IRX2: variants seen among roughly 807,000 people sequenced by gnomAD.
IRX2 encodes iroquois-class homeodomain protein IRX-2.
Under a neutral mutation model 42.9 loss-of-function variants are expected in IRX2, and 26 were observed. The ratio of observed to expected loss-of-function variants is 0.61; its 90% CI spans 0.44 to 0.84. The LOEUF (loss-of-function observed/expected upper bound fraction) is 0.84, where lower values mean the gene tolerates loss of function less well. Among genes scored for constraint, IRX2 ranks in the 40% least tolerant of loss-of-function variants. The pLI, the probability that IRX2 is intolerant of heterozygous loss-of-function variation, is 0.00. For synonymous variants in IRX2, 424 were observed against 353.9 expected (o/e 1.20, Z -2.22); for missense variants, 782 against 713.9 (o/e 1.10, Z -1.09).
At position 2,748,629 on chromosome 5, in the gene IRX2, G is replaced by C. The variant is rs778882373; in HGVS notation, c.1079C>G (p.Pro360Arg). 6.8e-7 allele frequency: 1 copy of C among 1,469,656 alleles called. No individual in the cohort carries two copies. Among genetic ancestry groups the C allele is most frequent in the Non-Finnish European group, 9.0e-7 (1 of 1,114,806 alleles). The allele number at this position is 1,469,656 out of a possible 1,614,324, so 91.0% of individuals were successfully genotyped here. The change falls in exon 3 of 4, where the codon CCG becomes CGG. Residue 360 changes from proline to arginine, a missense_variant. By Grantham distance (103) the Pro-to-Arg change is moderately radical. This residue lies in a region of IRX2 where 520 missense variants were observed against 437.8 expected (regional missense o/e 1.19). Coordinates refer to ENST00000302057, the MANE Select transcript of IRX2 (RefSeq NM_033267.5). Reference sequence around the variant, plus strand: ...TCCTGGCGGTGCCCCGGTTGAGGCCGGCGCGGCGGCCGCGGGCAGCCCCGG... The same window carrying C: ...TCCTGGCGGTGCCCCGGTTGAGGCCCGCGCGGCGGCCGCGGGCAGCCCCGG... ...GPPGLPAAAAPASTGAPPGGS... is the reference protein window; with the variant it reads ...GPPGLPAAAARASTGAPPGGS...
chr5:2,749,834 G>A, intron 1 of IRX2, 47 bp from the exon 2 acceptor site: 1 of 1,531,736 alleles, frequency 6.5e-7, no homozygotes, highest in Non-Finnish European at 8.8e-7. Flanking sequence ...AGACCCCGCG[G>A]GCAACCAGCC....
downstream of IRX2, among the ~76,000 whole-genome samples, chr5:2,744,825 A>G (rs1378839975): frequency 6.6e-6 from 1 of 152,238 alleles, no homozygotes; most frequent in East Asian, 1.9e-4. Flanking sequence ...GAAATAACAG[A>G]AAACAGAAAC....
chr5:2,748,350 T>C lies in IRX2; in HGVS notation c.1358A>G (p.Lys453Arg). 6.9e-7 allele frequency: 1 copy of C among 1,442,684 alleles called. No homozygotes were observed. The allele number at this position is 1,442,684 out of a possible 1,614,324, so 89.4% of individuals were successfully genotyped here. ...YRSPGGGYEP[K>R]KDASEGCTVV... ...GCCGGCCGCGGGCCGCCTACCTTTC[T>C]TGGGCTCGTAGCCGCCGCCCGGGGA... is the stretch of plus-strand genomic sequence containing the variant. Residue 453 changes from lysine to arginine, a missense_variant, in exon 3 of 4, where the codon AAG becomes AGG. Physicochemically the swap from Lys to Arg is conservative, Grantham distance 26 (BLOSUM62 2). Coordinates refer to ENST00000302057, the MANE Select transcript of IRX2 (RefSeq NM_033267.5).
the IRX2 span, chr5:2,736,840 A>G: frequency 6.6e-6 from 1 of 152,328 alleles, no homozygotes; most frequent in South Asian, 2.1e-4. Context: ...TATGTTGATG[A>G]CTTCCATGCA....
chr5:2,746,745 C>CCT lies in IRX2; in HGVS notation c.*818_*819insAG, dbSNP rs769978613. On this transcript the variant is annotated 3_prime_UTR_variant, in exon 4 of 4. Transcript: ENST00000302057. ...TTGGGAAGAGAGAATGGCCTGCTGA[C>CCT]TTTTTTTTTTTTTTTTTTTTCAAAG... is the stretch of plus-strand genomic sequence containing the variant. 1.8e-5 allele frequency: 2 copies of CCT among 110,390 alleles called. No homozygotes were observed. Among genetic ancestry groups the CCT allele is most frequent in the African/African-American group, 7.0e-5 (2 of 28,754 alleles). The allele number at this position is 110,390 out of a possible 1,614,324, so 6.8% of individuals were successfully genotyped here. A position where few individuals can be genotyped will look rare whatever the true frequency, so the allele number is the denominator to read the frequency against.
At position 2,748,447 on chromosome 5, in the gene IRX2, G is replaced by C. The variant is rs780979117; in HGVS notation, c.1261C>G (p.Leu421Val). ...CTGGCCGCCTTTGGCGCGGTGTGCA[G>C]GGCCTCGCCGGGGGCCGCGGCCGCA... The part of the protein sequence containing the change: ...NSAAAAPGEA[L>V]HTAPKAASDA... Residue 421 changes from leucine to valine, a missense_variant, in exon 3 of 4, where the codon CTG becomes GTG. Physicochemically the swap from Leu to Val is conservative, Grantham distance 32. Around this residue, in one of 3 missense-constraint regions of IRX2, gnomAD observed 520 missense variants for 437.8 expected, o/e 1.19. Transcript: ENST00000302057. 1.9e-6 allele frequency: 3 copies of C among 1,565,756 alleles called. No individual in the cohort carries two copies. The highest frequency in any genetic ancestry group is 2.6e-6 in the Non-Finnish European group (3 of 1,160,518).
At position 2,746,223 on chromosome 5, in the gene IRX2, G is replaced by A. The variant is rs1033968444; in HGVS notation, c.*1341C>T. ...TAAGATATAAATTAGTAAAGAATTCGTGTTAAACAACCAACAAAGATTGTA... is the reference window on the plus strand; with the variant it reads ...TAAGATATAAATTAGTAAAGAATTCATGTTAAACAACCAACAAAGATTGTA... On this transcript the variant is annotated 3_prime_UTR_variant, in exon 4 of 4. Transcript: ENST00000302057. The A allele has an allele frequency of 7.2e-5, 11 of 151,852 alleles. No homozygotes were observed. The highest frequency in any genetic ancestry group is 1.9e-4 in the East Asian group (1 of 5,192). The allele number at this position is 151,852 out of a possible 1,614,324, so 9.4% of individuals were successfully genotyped here.
chr5:2,748,769 GCCCTGGGGCGTCTTGCGGCCA>G lies in IRX2; in HGVS notation c.918_938del (p.Gly307_Gly313del). 1 of 1,401,078 alleles carries G rather than the reference GCCCTGGGGCGTCTTGCGGCCA, an allele frequency of 7.1e-7. No homozygotes were observed. The highest frequency in any genetic ancestry group is 9.2e-7 in the Non-Finnish European group (1 of 1,090,076). 86.8% of individuals were successfully genotyped at this position (1,401,078 alleles called of 1,614,324 possible). On this transcript the variant is annotated inframe_deletion, in exon 3 of 4. Coordinates refer to ENST00000302057, the MANE Select transcript of IRX2 (RefSeq NM_033267.5). The stretch of plus-strand genomic sequence containing the variant: ...GCGGCGCGCCCGGAGACGTCCGGCT[GCCCTGGGGCGTCTTGCGGCCA>G]CCGCGGGGCGCGGCCTCGGGCGGGG...
the IRX2 span, among the ~76,000 whole-genome samples, chr5:2,738,489 G>GC: frequency 0.013 from 2,014 of 152,098 alleles, 31 homozygotes; most frequent in South Asian, 0.053. Flanking sequence ...AGCCTGATTC[G>GC]CCCCCCTGTT....
At chr5:2,749,196 G>A in intron 2 of IRX2, 144 bp from the exon 3 acceptor site, 6 of 1,462,454 alleles carry the variant, frequency 4.1e-6, no homozygotes, top group Non-Finnish European at 5.4e-6. Context: ...GGCGGAGCCT[G>A]ACCTCCCCGG....
chr5:2,748,624 AGGCCGGCGCGGC>A lies in IRX2; in HGVS notation c.1072_1083del (p.Ala358_Ala361del). On this transcript the variant is annotated inframe_deletion, in exon 3 of 4. Coordinates refer to ENST00000302057, the MANE Select transcript of IRX2 (RefSeq NM_033267.5). ...GAGCCTCCTGGCGGTGCCCCGGTTG[AGGCCGGCGCGGC>A]GGCCGCGGGCAGCCCCGGTGGCCCG... The A allele has an allele frequency of 6.7e-7, 1 of 1,487,264 alleles. No homozygotes were observed. Among genetic ancestry groups the A allele is most frequent in the Non-Finnish European group, 8.9e-7 (1 of 1,123,532 alleles). 92.1% of individuals were successfully genotyped at this position (1,487,264 alleles called of 1,614,324 possible).
chr5:2,736,400 A>G, the IRX2 span, among the ~76,000 whole-genome samples: 1 of 152,220 alleles, frequency 6.6e-6, no homozygotes, highest in Non-Finnish European at 1.5e-5. Flanking sequence ...TCAGCTTCAT[A>G]ATGAAACTTT....
At chr5:2,740,145 C>T in the IRX2 span, among the ~76,000 whole-genome samples, 5 of 151,036 alleles carry the variant, frequency 3.3e-5, no homozygotes, top group African/African-American at 1.2e-4. Context: ...CATGAACAGG[C>T]GGCCGGGTCT....
At position 2,749,020 on chromosome 5, in the gene IRX2, G is replaced by C. The variant is rs760563448; in HGVS notation, c.688C>G (p.His230Asp). Residue 230 changes from histidine (H) to aspartate (D), a missense_variant, in exon 3 of 4, where the codon CAC (histidine) becomes GAC (aspartate). Physicochemically the swap from His to Asp is moderately conservative, Grantham distance 81. This residue lies in a region of IRX2 where 520 missense variants were observed against 437.8 expected (regional missense o/e 1.19). Coordinates refer to ENST00000302057, the MANE Select transcript of IRX2 (RefSeq NM_033267.5). ...ISLHVDSLTD[H>D]SCSAESDGEK... Reference sequence around the variant, plus strand: ...CCGTCCGACTCGGCCGAGCACGAGTGATCCGTGAGCGAGTCCACGTGCAGG... The same window carrying C: ...CCGTCCGACTCGGCCGAGCACGAGTCATCCGTGAGCGAGTCCACGTGCAGG... The C allele has an allele frequency of 6.3e-7, 1 of 1,597,204 alleles. No homozygotes were observed. The highest frequency in any genetic ancestry group is 1.1e-5 in the South Asian group (1 of 90,800).
intron 1 of IRX2, among the ~76,000 whole-genome samples, chr5:2,750,053 G>C (rs964642640): frequency 5.9e-5 from 9 of 152,152 alleles, no homozygotes; most frequent in African/African-American, 1.9e-4. Flanking sequence ...GTGTTCCGGA[G>C]CCGCTCGTGG....
intron 1 of IRX2, among the ~76,000 whole-genome samples, chr5:2,750,143 G>A (rs1737883056): frequency 6.6e-6 from 1 of 152,032 alleles, no homozygotes; most frequent in Non-Finnish European, 1.5e-5. Flanking sequence ...GCAGATGCTT[G>A]GAGTGCGGCT....
At position 2,749,671 on chromosome 5, in the gene IRX2, C is replaced by G. The variant is rs61742405; in HGVS notation, c.366G>C (p.Thr122=). 5,465 of 1,614,176 alleles carry G rather than the reference C, an allele frequency of 3.4e-3. 56 individuals carry two copies. Among genetic ancestry groups the G allele is most frequent in the African/African-American group, 0.031 (2,292 of 75,046 alleles). The stretch of plus-strand genomic sequence containing the variant: ...CCTTGAGAGTGGCCGTGGCGTCCCG[C>G]GTGGCGTTCTTGCGGTACGCGGGGT... ...LNDPAYRKNA[T]RDATATLKAW... is the part of the protein sequence containing the mutation. Residue 122 remains threonine (T), a synonymous_variant, in exon 2 of 4, where the codon ACG becomes ACC. Transcript: ENST00000302057.
downstream of IRX2, among the ~76,000 whole-genome samples, chr5:2,745,492 C>T (rs1399762772): frequency 6.6e-6 from 1 of 152,032 alleles, no homozygotes; most frequent in Non-Finnish European, 1.5e-5. Flanking sequence ...AAATTTTAGA[C>T]TTGTCCTATA....
chr5:2,750,995 C>A (rs1005742675), intron 1 of IRX2, among the ~76,000 whole-genome samples, 170 bp downstream of exon 1: 2 of 151,724 alleles, frequency 1.3e-5, no homozygotes, highest in Admixed American at 1.3e-4. Context: ...CCCTCCCCAC[C>A]CGGGGCCCGG....
Sources: allele counts gnomAD v4.1 joint callset (sites outside exome capture counted in the v4.1 genomes callset), GRCh38; gene constraint gnomAD v4.1.1; regional missense constraint gnomAD v4.1.1; transcripts MANE v1.5; gene names NCBI Gene and HGNC (gene_info 2026-07-23, HGNC 2026-07-21).